The following PUM1 variants were observed in gnomAD, a reference collection of about 807,000 sequenced individuals.
PUM1 encodes pumilio RNA binding family member 1.
In PUM1, 13 loss-of-function variants were observed where a neutral mutation model predicts 131.8. The ratio of observed to expected loss-of-function variants is 0.10; its 90% CI spans 0.06 to 0.16. PUM1 has a LOEUF of 0.16. Among genes scored for constraint, PUM1 ranks in the 10% least tolerant of loss-of-function variants. The probability of loss-of-function intolerance (pLI) is 1.00; values close to 1 mark genes in which losing one functional copy is unlikely to be tolerated. For synonymous variants in PUM1, 509 were observed against 556.5 expected, an observed-to-expected ratio of 0.91 and a Z score of 1.20; for missense variants, 961 against 1,512.4, an observed-to-expected ratio of 0.64 and a Z score of 6.05.
intron 14 of PUM1, among the ~76,000 whole-genome samples, chr1:30,959,780 G>A (rs1006680923): frequency 5.3e-5 from 8 of 151,682 alleles, no homozygotes; most frequent in African/African-American, 1.2e-4. Context: ...GGTGGTGGGC[G>A]CCTATAGTCC....
At chr1:30,944,495 C>T (rs1639589215) in intron 18 of PUM1, among the ~76,000 whole-genome samples, 1 of 152,136 alleles carries the variant, frequency 6.6e-6, no homozygotes, top group Admixed American at 6.5e-5. Context: ...AACAATCTTA[C>T]TTGGAAGCTG....
intron 20 of PUM1, among the ~76,000 whole-genome samples, chr1:30,937,944 G>C (rs1382787276): frequency 6.6e-6 from 1 of 151,896 alleles, no homozygotes; most frequent in African/African-American, 2.4e-5. Flanking sequence ...GCTAATTTTT[G>C]TATTTTTAGT....
At chr1:31,001,229 G>T (rs1642200057) in intron 5 of PUM1, among the ~76,000 whole-genome samples, 1 of 152,058 alleles carries the variant, frequency 6.6e-6, no homozygotes, top group Admixed American at 6.6e-5. Context: ...GCTGGGTGTG[G>T]TGGCACATGC....
chr1:31,064,807 G>C (rs1644448028), intron 1 of PUM1, among the ~76,000 whole-genome samples: 1 of 127,540 alleles, frequency 7.8e-6, no homozygotes, highest in Non-Finnish European at 1.6e-5. Context: ...TTACAGGAGT[G>C]TATTCCTCAC....
chr1:31,002,762 T>C (rs1642262825), intron 5 of PUM1, among the ~76,000 whole-genome samples: 1 of 152,226 alleles, frequency 6.6e-6, no homozygotes, highest in Admixed American at 6.5e-5. Flanking sequence ...TGTGGAATAC[T>C]ACCAAAAATT....
At chr1:31,063,388 A>G (rs1254754495) in intron 1 of PUM1, among the ~76,000 whole-genome samples, 1 of 152,184 alleles carries the variant, frequency 6.6e-6, no homozygotes, top group Non-Finnish European at 1.5e-5. Context: ...CCCCTAGTTA[A>G]GGCAACTCCA....
chr1:30,966,969 C>G, intron 12 of PUM1, 198 bp downstream of exon 12: 2 of 572,724 alleles, frequency 3.5e-6, no homozygotes, highest in Non-Finnish European at 2.8e-6. Flanking sequence ...TGCCACCCCT[C>G]CCCCAACCCA....
intron 3 of PUM1, among the ~76,000 whole-genome samples, chr1:31,020,235 G>A (rs1456109558): frequency 1.3e-5 from 2 of 152,194 alleles, no homozygotes; most frequent in Non-Finnish European, 1.5e-5. Context: ...TTGCTGCAAA[G>A]GACATAATTT....
chr1:30,966,667 C>T (rs1001635055), intron 12 of PUM1, among the ~76,000 whole-genome samples: 2 of 152,154 alleles, frequency 1.3e-5, no homozygotes, highest in African/African-American at 4.8e-5. Flanking sequence ...TAGCACACTG[C>T]TGTCTTCTAG....
rs1449166063 is a variant in PUM1 at position 30,964,717 on chromosome 1, A to T, written c.2280T>A (p.Pro760=). 1.2e-6 allele frequency: 2 copies of T among 1,613,418 alleles called. No homozygotes were observed. Among genetic ancestry groups the T allele is most frequent in the Non-Finnish European group, 1.7e-6 (2 of 1,179,600 alleles). ...SQGPGHSQTP[P]PSLSSHGSSS... is the part of the protein sequence containing the mutation. ...AGGATCCATGTGAAGAGAGGGAAGGAGGTGGTGTCTGTGAATGTCCTGGTC... is the reference window on the plus strand; with the variant it reads ...AGGATCCATGTGAAGAGAGGGAAGGTGGTGGTGTCTGTGAATGTCCTGGTC... Residue 760 remains proline, a synonymous_variant, in exon 14 of 22, where the codon CCT becomes CCA. Coordinates refer to ENST00000426105, the MANE Select transcript of PUM1 (RefSeq NM_001020658.2).
chr1:31,064,402 G>A (rs1463125976), intron 1 of PUM1, among the ~76,000 whole-genome samples: 2 of 152,072 alleles, frequency 1.3e-5, no homozygotes, highest in East Asian at 1.9e-4. Flanking sequence ...CAGCCCCCCA[G>A]TGTTTTATAA....
intron 2 of PUM1, among the ~76,000 whole-genome samples, chr1:31,039,018 A>G (rs1643732708): frequency 1.2e-5 from 1 of 80,138 alleles, no homozygotes; most frequent in Non-Finnish European, 2.2e-5. Flanking sequence ...TCTTTTTGAG[A>G]CAATGCCTCA....
intron 1 of PUM1, among the ~76,000 whole-genome samples, chr1:31,065,016 A>G (rs1644453109): frequency 6.6e-6 from 1 of 152,154 alleles, no homozygotes; most frequent in Admixed American, 6.5e-5. Context: ...CACGGAAACA[A>G]AAGGCCACAG....
chr1:30,953,086 G>A (rs1448557001), intron 15 of PUM1, among the ~76,000 whole-genome samples: 2 of 152,112 alleles, frequency 1.3e-5, no homozygotes, highest in African/African-American at 2.4e-5. Context: ...ACCACTATCA[G>A]GAAAATCATG....
chr1:30,965,850 T>C, intron 13 of PUM1, 132 bp downstream of exon 13: 1 of 902,534 alleles, frequency 1.1e-6, no homozygotes, highest in Non-Finnish European at 1.6e-6. Context: ...ATCTCACAGA[T>C]TATGTGGGAT....
chr1:30,975,236 G>A (rs1389454150), intron 9 of PUM1, among the ~76,000 whole-genome samples: 6 of 152,158 alleles, frequency 3.9e-5, no homozygotes, highest in East Asian at 1.9e-4. Flanking sequence ...GTGATTTAAC[G>A]GAGTGCTGTT....
At chr1:30,995,280 G>A (rs1451583591) in intron 5 of PUM1, 60 bp from the exon 6 acceptor site, 11 of 1,575,094 alleles carry the variant, frequency 7.0e-6, no homozygotes, top group Middle Eastern at 1.7e-4. Context: ...ACGGGCAACC[G>A]TTGTGGGCAC....
At chr1:31,046,972 A>AT (rs1643983912) in intron 2 of PUM1, among the ~76,000 whole-genome samples, 1 of 151,974 alleles carries the variant, frequency 6.6e-6, no homozygotes, top group Non-Finnish European at 1.5e-5. Flanking sequence ...CGGGTGGATC[A>AT]TAAGGTCAGG....
rs1371300988 is a variant in PUM1 at position 30,999,627 on chromosome 1, A to C, written c.721-4407T>G. Among the ~76,000 whole-genome samples, 5 of 148,244 alleles carry C rather than the reference A, an allele frequency of 3.4e-5. 1 individual carries two copies. The highest frequency in any genetic ancestry group is 4.3e-4 in the South Asian group (2 of 4,682). The stretch of plus-strand genomic sequence containing the variant: ...GTCTCAAAAAAAAAAAAAAAAAAAA[A>C]AAAAAAAAAAAAAAAAGGTGCTGAA... On this transcript the variant is annotated intron_variant, in intron 5 of 21. Transcript: ENST00000426105.
Sources: gnomAD v4.1 joint callset for allele counts (sites outside exome capture counted in the v4.1 genomes callset) on GRCh38, gnomAD v4.1.1 for gene constraint, MANE v1.5 for transcripts, NCBI Gene and HGNC (gene_info 2026-07-23, HGNC 2026-07-21) for gene names.